PLEKHS1: variants seen among roughly 807,000 people sequenced by gnomAD.
The protein encoded by PLEKHS1 is pleckstrin homology domain-containing family S member 1.
Under a neutral mutation model 51.0 loss-of-function variants are expected in PLEKHS1, and 55 were observed. That is an observed-to-expected ratio of 1.08 (90% CI 0.87 to 1.35). The LOEUF (loss-of-function observed/expected upper bound fraction) is 1.35, where lower values mean the gene tolerates loss of function less well. Ranked by LOEUF, PLEKHS1 falls within the 40% of genes most tolerant of loss-of-function variation. The pLI, the probability that PLEKHS1 is intolerant of heterozygous loss-of-function variation, is 0.00. For missense variants in PLEKHS1, 398 were observed against 423.0 expected, an observed-to-expected ratio of 0.94 and a Z score of 0.52; for synonymous variants, 153 against 144.8, an observed-to-expected ratio of 1.06 and a Z score of -0.41.
chr10:113,767,204 A>G, intron 4 of PLEKHS1, 141 bp from the exon 5 acceptor site: 1 of 596,680 alleles, frequency 1.7e-6, no homozygotes, highest in Non-Finnish European at 2.5e-6. Flanking sequence ...ATCCAAACTT[A>G]TCTTCTAAAA....
chr10:113,766,751 A>G (rs772111794), intron 4 of PLEKHS1, 33 bp downstream of exon 4: 1 of 1,464,910 alleles, frequency 6.8e-7, no homozygotes, highest in South Asian at 1.2e-5. Context: ...TTTTATAACA[A>G]CAAATACTAT....
At chr10:113,768,841 T>C (rs369109093) in exon 6 of PLEKHS1, 12 of 1,613,722 alleles carry the variant, frequency 7.4e-6, no homozygotes, top group Non-Finnish European at 1.0e-5. Context: ...TGGGTCTCCT[T>C]CATGTCATCA....
Position 113,762,365 on chromosome 10 carries a change from C to CTTTTTTTTTTT in PLEKHS1, c.29-4035_29-4025dup, listed in dbSNP as rs34457408. Among the ~76,000 whole-genome samples, 232 of 61,786 alleles carry CTTTTTTTTTTT rather than the reference C, an allele frequency of 3.8e-3. No homozygotes were observed. The Middle Eastern group carries it at 0.067, about 18-fold the overall frequency. The allele number at this position is 61,786 out of a possible 152,430, so 40.5% of individuals were successfully genotyped here. ...TCCTCTATTGACTTTAGATTTGTTC[C>CTTTTTTTTTTT]TTTTTTTTTTTTTTTTTTTTTCAGT... is the stretch of plus-strand genomic sequence containing the variant. On this transcript the variant is annotated intron_variant, in intron 2 of 11. Coordinates refer to ENST00000361048, the Ensembl canonical transcript of PLEKHS1.
chr10:113,777,150 G>A lies in PLEKHS1; in HGVS notation c.1091+1284G>A, dbSNP rs777682886. 24 of 1,612,634 alleles carry A rather than the reference G, an allele frequency of 1.5e-5. No homozygotes were observed. Among genetic ancestry groups the A allele is most frequent in the East Asian group, 1.1e-4 (5 of 44,890 alleles). On this transcript the variant is annotated intron_variant, in intron 11 of 11. Coordinates refer to ENST00000361048, the Ensembl canonical transcript of PLEKHS1. The stretch of plus-strand genomic sequence containing the variant: ...GTGTCTCAGTGGGAAGGCCCCCCAC[G>A]TTTGGGATGCATATTTTGCCACGGA...
chr10:113,777,043 A>G, intron 11 of PLEKHS1, 81 bp from the exon 12 acceptor site: 1 of 1,536,686 alleles, frequency 6.5e-7, no homozygotes, highest in South Asian at 1.2e-5. Flanking sequence ...CACGTGACCT[A>G]GAATCAGGAG....
In PLEKHS1 at chr10:113,769,935, C is replaced by T. The variant is rs768307501; in HGVS notation, c.552+35C>T. ...CTCACTTCTTTCTCAGGACACCACA[C>T]CTGGGAGGCAGCTAATGCCTAAAAA... On this transcript the variant is annotated intron_variant, in intron 7 of 11. Transcript: ENST00000361048. 1.4e-5 allele frequency: 20 copies of T among 1,471,930 alleles called. No homozygotes were observed. In the East Asian group the frequency reaches 4.3e-4, roughly 32 times the overall value. 91.2% of individuals were successfully genotyped at this position (1,471,930 alleles called of 1,614,324 possible).
At chr10:113,756,633 C>T (rs1854127767) in intron 2 of PLEKHS1, among the ~76,000 whole-genome samples, 2 of 152,042 alleles carry the variant, frequency 1.3e-5, no homozygotes, top group African/African-American at 4.8e-5. Flanking sequence ...ACAGGAAAGG[C>T]ATTTGAGCTA....
chr10:113,779,395 C>A (rs4918869), intron 11 of PLEKHS1, among the ~76,000 whole-genome samples: 52,708 of 151,818 alleles, frequency 0.35, 9,537 homozygotes, highest in South Asian at 0.49. Context: ...ATAGTGAAAC[C>A]CCGTCTGTAT....
At chr10:113,765,122 G>C (rs1412529279) in intron 2 of PLEKHS1, 1 of 386,526 alleles carries the variant, frequency 2.6e-6, no homozygotes, top group Middle Eastern at 6.8e-4. Flanking sequence ...AACTTTGATT[G>C]ACTGCCAAAC....
Position 113,777,497 on chromosome 10 carries a change from C to T in PLEKHS1, c.1091+1631C>T, listed in dbSNP as rs750388211. 8.3e-6 allele frequency: 13 copies of T among 1,575,168 alleles called. No individual in the cohort carries two copies. Among genetic ancestry groups the T allele is most frequent in the East Asian group, 2.3e-5 (1 of 43,398 alleles). ...AGCACCTGGGTTCAGGACCTCAGAT[C>T]GGCATGATGTAGCAAAAAGAGCTTG... is the stretch of plus-strand genomic sequence containing the variant. On this transcript the variant is annotated intron_variant, in intron 11 of 11. Transcript: ENST00000361048.
intron 11 of PLEKHS1, chr10:113,777,216 T>C (rs2134581704): frequency 6.2e-7 from 1 of 1,612,820 alleles, no homozygotes; most frequent in East Asian, 2.2e-5. Flanking sequence ...CCCCAGAGCC[T>C]GGAGGAGGTC....
At chr10:113,769,318 A>G (rs1844296575) in intron 6 of PLEKHS1, among the ~76,000 whole-genome samples, 7 of 152,196 alleles carry the variant, frequency 4.6e-5, no homozygotes. Context: ...TTAAGTTTTA[A>G]ACTTATTTCA....
chr10:113,766,530 C>T (rs1423264995), intron 3 of PLEKHS1, 31 bp downstream of exon 3: 2 of 1,576,468 alleles, frequency 1.3e-6, no homozygotes, highest in South Asian at 2.2e-5. Flanking sequence ...AACAAGCCTC[C>T]CACCAGCCTC....
chr10:113,768,035 G>A (rs776806381), intron 5 of PLEKHS1, among the ~76,000 whole-genome samples: 9 of 152,082 alleles, frequency 5.9e-5, no homozygotes, highest in Non-Finnish European at 4.4e-5. Context: ...ATTGGGATAC[G>A]GAACTGAAAC....
downstream of PLEKHS1, chr10:113,782,467 T>C (rs1212616765): frequency 2.0e-5 from 3 of 152,214 alleles, no homozygotes; most frequent in Non-Finnish European, 4.4e-5. Context: ...ACAAATCCCA[T>C]GTCGAGCTGT....
intron 4 of PLEKHS1, 140 bp from the exon 5 acceptor site, chr10:113,767,205 T>C (rs902519776): frequency 1.7e-5 from 10 of 600,816 alleles, no homozygotes; most frequent in Non-Finnish European, 2.2e-5. Flanking sequence ...TCCAAACTTA[T>C]CTTCTAAAAT....
Position 113,755,382 on chromosome 10 carries a change from G to C in PLEKHS1, c.28+77G>C, listed in dbSNP as rs946257391. The stretch of plus-strand genomic sequence containing the variant: ...CCACGGTTTCCTTCAAGCTAACCAG[G>C]ATACAGAACTTGGTGGTTTTTGTGT... On this transcript the variant is annotated intron_variant, in intron 2 of 11. Transcript: ENST00000361048. 3 of 1,545,976 alleles carry C rather than the reference G, an allele frequency of 1.9e-6. No individual in the cohort carries two copies. In the African/African-American group the frequency reaches 4.2e-5, roughly 21 times the overall value.
intron 7 of PLEKHS1, 115 bp from the exon 8 acceptor site, chr10:113,771,855 A>G: frequency 8.1e-7 from 1 of 1,236,808 alleles, no homozygotes; most frequent in Non-Finnish European, 1.1e-6. Flanking sequence ...TAATCTTGGA[A>G]GACCCTCTGG....
chr10:113,766,718 A>AG lies in PLEKHS1; in HGVS notation c.224+1dup. 1 of 1,590,616 alleles carries AG rather than the reference A, an allele frequency of 6.3e-7. No individual in the cohort carries two copies. Among genetic ancestry groups the AG allele is most frequent in the South Asian group, 1.2e-5 (1 of 86,500 alleles). On this transcript the variant is annotated frameshift_variant and splice_region_variant. Coordinates refer to ENST00000361048, the Ensembl canonical transcript of PLEKHS1. LOFTEE classifies it high-confidence loss of function. The stretch of plus-strand genomic sequence containing the variant: ...CACCGAGGTTCCATTGAAATTGATC[A>AG]GTGTGTATCCAAGCAGGAAAACTTT...
Sources: allele counts gnomAD v4.1 joint callset (sites outside exome capture counted in the v4.1 genomes callset), GRCh38; gene constraint gnomAD v4.1.1; transcripts MANE v1.5; gene names NCBI Gene and HGNC (gene_info 2026-07-23, HGNC 2026-07-21).